Variants in HTR2A observed in about 807,000 individuals in gnomAD.
HTR2A encodes the protein 5-hydroxytryptamine receptor 2A.
Under a neutral mutation model 31.0 loss-of-function variants are expected in HTR2A, and 14 were observed. The observed-to-expected ratio is 0.45, with a 90% confidence interval of 0.30 to 0.71. The LOEUF (loss-of-function observed/expected upper bound fraction) is 0.71, where lower values mean the gene tolerates loss of function less well. HTR2A is among the 30% of genes least tolerant of loss of function. The pLI, the probability that HTR2A is intolerant of heterozygous loss-of-function variation, is 0.09. For missense variants in HTR2A, 442 were observed against 573.3 expected, an observed-to-expected ratio of 0.77 and a Z score of 2.34; for synonymous variants, 209 against 225.2, an observed-to-expected ratio of 0.93 and a Z score of 0.64.
intron 3 of HTR2A, among the ~76,000 whole-genome samples, chr13:46,839,761 TAAGAACACAA>T (rs1950584529): frequency 6.6e-6 from 1 of 152,204 alleles, no homozygotes; most frequent in Non-Finnish European, 1.5e-5. Flanking sequence ...CCTTGACACC[TAAGAACACAA>T]AAGCTTTGGT....
chr13:46,842,927 G>A (rs1035220532), intron 3 of HTR2A, among the ~76,000 whole-genome samples: 6 of 152,162 alleles, frequency 3.9e-5, no homozygotes, highest in East Asian at 1.9e-4. Context: ...ACCACAGTCC[G>A]AAAATATTAA....
At chr13:46,848,728 A>G (rs919537325) in intron 3 of HTR2A, among the ~76,000 whole-genome samples, 3 of 152,184 alleles carry the variant, frequency 2.0e-5, no homozygotes, top group Admixed American at 2.0e-4. Flanking sequence ...ATTTTTTGTT[A>G]GAATCTGGAC....
At chr13:46,848,590 G>A (rs1950660750) in intron 3 of HTR2A, among the ~76,000 whole-genome samples, 1 of 152,204 alleles carries the variant, frequency 6.6e-6, no homozygotes, top group Non-Finnish European at 1.5e-5. Flanking sequence ...AACTCACAAG[G>A]AAGGAATTAT....
chr13:46,881,141 T>C (rs1394898764), intron 3 of HTR2A, among the ~76,000 whole-genome samples: 2 of 152,342 alleles, frequency 1.3e-5, no homozygotes, highest in East Asian at 3.9e-4. Flanking sequence ...TTTACCGTAT[T>C]GTGCTTCTAA....
intron 3 of HTR2A, among the ~76,000 whole-genome samples, chr13:46,846,285 A>C (rs1284007861): frequency 6.6e-6 from 1 of 152,168 alleles, no homozygotes; most frequent in African/African-American, 2.4e-5. Flanking sequence ...ATATAAAGTA[A>C]ATACTATATA....
At chr13:46,859,800 T>C (rs1950766668) in intron 3 of HTR2A, among the ~76,000 whole-genome samples, 1 of 152,184 alleles carries the variant, frequency 6.6e-6, no homozygotes, top group Non-Finnish European at 1.5e-5. Flanking sequence ...AGGTATTTCT[T>C]TACGGCAATG....
Position 46,832,397 on chromosome 13 carries a change from A to G in HTR2A, c.*2440T>C, listed in dbSNP as rs1234171638. The G allele has an allele frequency of 1.3e-5, 2 of 152,238 alleles. No individual in the cohort carries two copies. The highest frequency in any genetic ancestry group is 2.4e-5 in the African/African-American group (1 of 41,476). The allele number at this position is 152,238 out of a possible 1,614,324, so 9.4% of individuals were successfully genotyped here. A position where few individuals can be genotyped will look rare whatever the true frequency, so the allele number is the denominator to read the frequency against. ...TATACAGCTACACATTTGCCTATAC[A>G]GTATACACTTGAATAGATACTTATG... On this transcript the variant is annotated 3_prime_UTR_variant, in exon 4 of 4. Coordinates refer to ENST00000542664, the MANE Select transcript of HTR2A (RefSeq NM_000621.5).
chr13:46,843,753 C>T (rs1950618670), intron 3 of HTR2A, among the ~76,000 whole-genome samples: 1 of 152,136 alleles, frequency 6.6e-6, no homozygotes. Context: ...CCCTGAAATG[C>T]TACACCAATG....
chr13:46,852,623 C>T (rs931833706), intron 3 of HTR2A, among the ~76,000 whole-genome samples: 1 of 152,190 alleles, frequency 6.6e-6, no homozygotes, highest in Admixed American at 6.5e-5. Flanking sequence ...GCATTGCATG[C>T]AGTATATTTC....
intron 3 of HTR2A, among the ~76,000 whole-genome samples, chr13:46,868,414 A>C (rs1461024153): frequency 2.0e-5 from 3 of 152,276 alleles, no homozygotes; most frequent in African/African-American, 7.2e-5. Flanking sequence ...AAAACTATTC[A>C]GAAGTTCATA....
At position 46,889,329 on chromosome 13, in the gene HTR2A, T is replaced by C. The variant is rs1180160847; in HGVS notation, c.613+3061A>G. On this transcript the variant is annotated intron_variant, in intron 3 of 3. Transcript: ENST00000542664. ...TAATAACCCATGAAGGTATAGAAAA[T>C]GTAAATGCAATAACTATAGAAGTTA... is the stretch of plus-strand genomic sequence containing the variant. 2.0e-5 allele frequency among the ~76,000 whole-genome samples: 3 copies of C among 151,956 alleles called. No individual in the cohort carries two copies. In the South Asian group the frequency reaches 6.2e-4, roughly 32 times the overall value.
At chr13:46,864,934 T>C (rs1270574067) in intron 3 of HTR2A, among the ~76,000 whole-genome samples, 1 of 54,336 alleles carries the variant, frequency 1.8e-5, no homozygotes, top group Non-Finnish European at 3.7e-5. Flanking sequence ...TCTACTATAT[T>C]TGTAAAGAGG....
intron 3 of HTR2A, among the ~76,000 whole-genome samples, chr13:46,890,849 C>T (rs1951047212): frequency 6.6e-6 from 1 of 152,172 alleles, no homozygotes; most frequent in Non-Finnish European, 1.5e-5. Flanking sequence ...CAGTGGTCTT[C>T]AACTCTGACT....
chr13:46,872,058 T>C (rs1950866647), intron 3 of HTR2A, among the ~76,000 whole-genome samples: 1 of 152,238 alleles, frequency 6.6e-6, no homozygotes, highest in Non-Finnish European at 1.5e-5. Flanking sequence ...CATGGTGTTC[T>C]TTCAAATATG....
In HTR2A at chr13:46,896,052, A is replaced by G. The variant is rs1593448016; in HGVS notation, c.-146T>C. 4 of 1,406,962 alleles carry G rather than the reference A, an allele frequency of 2.8e-6. No individual in the cohort carries two copies. The highest frequency in any genetic ancestry group is 3.7e-6 in the Non-Finnish European group (4 of 1,087,744). The allele number at this position is 1,406,962 out of a possible 1,614,324, so 87.2% of individuals were successfully genotyped here. On this transcript the variant is annotated 5_prime_UTR_variant, in exon 2 of 4. The change abolishes an upstream ATG in the 5' untranslated region. Transcript: ENST00000542664. The stretch of plus-strand genomic sequence containing the variant: ...TCCCGGGGCTGGATTTTTGTCTTCC[A>G]TTATTACAATGATAGTTAAAGAACT...
At chr13:46,874,730 G>A (rs891078379) in intron 3 of HTR2A, among the ~76,000 whole-genome samples, 3 of 152,220 alleles carry the variant, frequency 2.0e-5, no homozygotes, top group Non-Finnish European at 4.4e-5. Flanking sequence ...GAACAGAATG[G>A]TTGGAGCCAT....
At chr13:46,894,012 G>A (rs1318521496) in intron 2 of HTR2A, among the ~76,000 whole-genome samples, 1 of 152,242 alleles carries the variant, frequency 6.6e-6, no homozygotes, top group Admixed American at 6.5e-5. Context: ...CCTTATGGGG[G>A]AAGCCACGCT....
chr13:46,837,566 T>A (rs1297439931), intron 3 of HTR2A, among the ~76,000 whole-genome samples: 3 of 152,074 alleles, frequency 2.0e-5, no homozygotes, highest in African/African-American at 4.8e-5. Flanking sequence ...GTCTTTAGAG[T>A]CTAATACATG....
At chr13:46,868,894 C>G (rs748980440) in intron 3 of HTR2A, among the ~76,000 whole-genome samples, 49 of 152,082 alleles carry the variant, frequency 3.2e-4, no homozygotes, top group Non-Finnish European at 5.9e-4. Flanking sequence ...AATAAAACTT[C>G]ATGAAAATCT....
Sources: allele counts gnomAD v4.1 joint callset (sites outside exome capture counted in the v4.1 genomes callset), GRCh38; gene constraint gnomAD v4.1.1; transcripts MANE v1.5; gene names NCBI Gene and HGNC (gene_info 2026-07-23, HGNC 2026-07-21).